CLDN19: variants seen among roughly 807,000 people sequenced by gnomAD.
The protein encoded by CLDN19 is claudin 19.
A neutral mutation model predicts 24.5 loss-of-function variants in CLDN19; 19 were observed. The ratio of observed to expected loss-of-function variants is 0.78; its 90% CI spans 0.54 to 1.14. CLDN19 has a LOEUF of 1.14. Among genes scored for constraint, CLDN19 ranks in the 50% most tolerant of loss-of-function variants. CLDN19 has a pLI of 0.00. For missense variants in CLDN19, 250 were observed against 295.9 expected (o/e 0.84, Z 1.14); for synonymous variants, 117 against 129.6 (o/e 0.90, Z 0.66).
In CLDN19 at chr1:42,735,146, A is replaced by AAGAGAGAG. The variant is rs1651316147; in HGVS notation, c.627-20_627-13dup. The AAGAGAGAG allele has an allele frequency of 6.2e-7, 1 of 1,613,982 alleles. No individual in the cohort carries two copies. Among genetic ancestry groups the AAGAGAGAG allele is most frequent in the East Asian group, 2.2e-5 (1 of 44,874 alleles). ...ATTTAACAACTGGTCTGAAAGTCAA[A>AAGAGAGAG]AGAGAGAGAGCTGGTTAGTGGAGTG... On this transcript the variant is annotated splice_polypyrimidine_tract_variant and intron_variant, in intron 4 of 4. Transcript: ENST00000296387.
chr1:42,737,693 A>AT (rs1651413538), intron 3 of CLDN19, among the ~76,000 whole-genome samples: 1 of 152,108 alleles, frequency 6.6e-6, no homozygotes, highest in Non-Finnish European at 1.5e-5. Flanking sequence ...TGATCGTTTG[A>AT]TTTTTTTGAG....
chr1:42,735,762 C>G lies in CLDN19; in HGVS notation c.626+116G>C, dbSNP rs760700236. 38 of 1,523,826 alleles carry G rather than the reference C, an allele frequency of 2.5e-5. No individual in the cohort carries two copies. The South Asian group carries it at 4.6e-4, about 19-fold the overall frequency. The allele number at this position is 1,523,826 out of a possible 1,614,324, so 94.4% of individuals were successfully genotyped here. A position where few individuals can be genotyped will look rare whatever the true frequency, so the allele number is the denominator to read the frequency against. On this transcript the variant is annotated intron_variant, in intron 4 of 4. Coordinates refer to ENST00000296387, the MANE Select transcript of CLDN19 (RefSeq NM_148960.3). Reference sequence around the variant, plus strand: ...GTTGAGGACAAGCTGCTCAGAGCACCTATGCCCATCCTATGCCCCAGTGGC... The same window carrying G: ...GTTGAGGACAAGCTGCTCAGAGCACGTATGCCCATCCTATGCCCCAGTGGC...
At position 42,738,602 on chromosome 1, in the gene CLDN19, G is replaced by A; in HGVS notation, c.224-17C>T. ...GGATGTGACCTAGGGTGGGCGGGAT[G>A]ACACTGAGTCGGGCTGGCGGGGATG... On this transcript the variant is annotated splice_polypyrimidine_tract_variant and intron_variant, in intron 1 of 4. Coordinates refer to ENST00000296387, the MANE Select transcript of CLDN19 (RefSeq NM_148960.3). 4.3e-6 allele frequency: 7 copies of A among 1,611,430 alleles called. No individual in the cohort carries two copies. Among genetic ancestry groups the A allele is most frequent in the East Asian group, 2.2e-5 (1 of 44,784 alleles).
At position 42,737,867 on chromosome 1, in the gene CLDN19, G is replaced by C. The variant is rs570108196; in HGVS notation, c.473+362C>G. Among the ~76,000 whole-genome samples, 24 of 152,000 alleles carry C rather than the reference G, an allele frequency of 1.6e-4. 1 individual carries two copies. The highest frequency in any genetic ancestry group is 5.6e-4 in the African/African-American group (23 of 41,284). The stretch of plus-strand genomic sequence containing the variant: ...CCAGATATTTTTTGTATTTTTAATA[G>C]AGACGGGGTTTCACCATGTTGGCCA... On this transcript the variant is annotated intron_variant, in intron 3 of 4. Transcript: ENST00000296387.
At position 42,739,883 on chromosome 1, in the gene CLDN19, GCC is replaced by G. The variant is rs1159781653; in HGVS notation, c.179_180del (p.Gly60AlafsTer100). ...LWMSCASQST[G>X]QVQCKLYDSL... is the part of the protein sequence containing the mutation. The stretch of plus-strand genomic sequence containing the variant: ...GAGTCGTAGAGCTTGCACTGCACTT[GCC>G]CAGTGCTCTGGGAGGCGCAGGACAT... On this transcript the variant is annotated frameshift_variant, in exon 1 of 5. Coordinates refer to ENST00000296387, the MANE Select transcript of CLDN19 (RefSeq NM_148960.3). LOFTEE classifies it high-confidence loss of function. 7 of 1,613,098 alleles carry G rather than the reference GCC, an allele frequency of 4.3e-6. No individual in the cohort carries two copies. The highest frequency in any genetic ancestry group is 5.9e-6 in the Non-Finnish European group (7 of 1,179,872).
intron 4 of CLDN19, chr1:42,735,625 G>A (rs1570442214): frequency 7.0e-7 from 1 of 1,431,022 alleles, no homozygotes; most frequent in Non-Finnish European, 9.1e-7. Context: ...CCACCAGGCT[G>A]TGCAGACAAG....
At chr1:42,739,720 A>C in intron 1 of CLDN19, 121 bp downstream of exon 1, 9 of 819,284 alleles carry the variant, frequency 1.1e-5, no homozygotes, top group Non-Finnish European at 1.8e-5. Flanking sequence ...TAGTGGGGGA[A>C]TTGTAGAGCG....
rs9660973 is a variant in CLDN19 at position 42,735,943 on chromosome 1, C to T, written c.561G>A (p.Pro187=). 0.043 allele frequency: 68,398 copies of T among 1,577,392 alleles called. 1,756 individuals carry two copies. Among genetic ancestry groups the T allele is most frequent in the African/African-American group, 0.098 (7,320 of 74,410 alleles). ...GGCTGCTGTTGGGTCTCTCTGGCTC[C>T]GGGCATGTGCAGCAGAGGAAGGAGC... ...LGGSFLCCTC[P]EPERPNSSPQ... The change falls in exon 4 of 5, where the codon CCG becomes CCA. Residue 187 remains proline (P), a synonymous_variant. Coordinates refer to ENST00000296387, the MANE Select transcript of CLDN19 (RefSeq NM_148960.3).
rs201994736 is a variant in CLDN19, at chr1:42,738,494, C to T, written c.315G>A (p.Thr105=). 2.5e-5 allele frequency: 40 copies of T among 1,614,066 alleles called. No individual in the cohort carries two copies. In the East Asian group the frequency reaches 6.0e-4, roughly 24 times the overall value. Reference sequence around the variant, plus strand: ...CAATGGGGTTGCTGTCTCCCACCCGCGTACACTTCATGCCAACTACGCTGA... The same window carrying T: ...CAATGGGGTTGCTGTCTCCCACCCGTGTACACTTCATGCCAACTACGCTGA... ...MVLSVVGMKC[T]RVGDSNPIAK... is the part of the protein sequence containing the mutation. Residue 105 remains threonine (T), a synonymous_variant, in exon 2 of 5, where the codon ACG becomes ACA. Coordinates refer to ENST00000296387, the MANE Select transcript of CLDN19 (RefSeq NM_148960.3).
chr1:42,734,995 T>G lies in CLDN19; in HGVS notation c.*91A>C. ...GAGGACAGACCGAATGATACCATGATTGGGGCTGGATGTTCACTTCTCTTT... is the reference window on the plus strand; with the variant it reads ...GAGGACAGACCGAATGATACCATGAGTGGGGCTGGATGTTCACTTCTCTTT... On this transcript the variant is annotated 3_prime_UTR_variant, in exon 5 of 5. Coordinates refer to ENST00000296387, the MANE Select transcript of CLDN19 (RefSeq NM_148960.3). 2.9e-6 allele frequency: 3 copies of G among 1,042,674 alleles called. No homozygotes were observed. Among genetic ancestry groups the G allele is most frequent in the Non-Finnish European group, 4.4e-6 (3 of 676,990 alleles). The allele number at this position is 1,042,674 out of a possible 1,614,324, so 64.6% of individuals were successfully genotyped here.
intron 1 of CLDN19, among the ~76,000 whole-genome samples, chr1:42,739,619 C>A (rs1409185591): frequency 6.6e-6 from 1 of 152,198 alleles, no homozygotes. Context: ...AGTGACAGAG[C>A]AGGAATCTGG....
intron 4 of CLDN19, 128 bp from the exon 5 acceptor site, chr1:42,735,262 G>A (rs1651322377): frequency 2.6e-6 from 4 of 1,547,356 alleles, no homozygotes; most frequent in African/African-American, 1.4e-5. Flanking sequence ...CAGCAGCCCT[G>A]CCTGGGGCCC....
At chr1:42,736,700 G>A (rs947665610) in intron 3 of CLDN19, among the ~76,000 whole-genome samples, 8 of 152,074 alleles carry the variant, frequency 5.3e-5, no homozygotes, top group East Asian at 3.9e-4. Flanking sequence ...CCCTTGCGCC[G>A]ACTCCACTAC....
intron 1 of CLDN19, 137 bp downstream of exon 1, chr1:42,739,704 G>T (rs1392224094): frequency 2.6e-6 from 2 of 775,480 alleles, no homozygotes; most frequent in Non-Finnish European, 4.2e-6. Context: ...AATGGGCACA[G>T]GGCAGTAGTG....
At chr1:42,735,252 C>A in intron 4 of CLDN19, 118 bp from the exon 5 acceptor site, 1 of 1,557,920 alleles carries the variant, frequency 6.4e-7, no homozygotes, top group Admixed American at 1.9e-5. Flanking sequence ...TTGGCCCTCA[C>A]AGCAGCCCTG....
At chr1:42,739,129 G>A (rs1258524537) in intron 1 of CLDN19, among the ~76,000 whole-genome samples, 2 of 152,190 alleles carry the variant, frequency 1.3e-5, no homozygotes, top group African/African-American at 2.4e-5. Flanking sequence ...GTCCCTCAGC[G>A]AGGCTAGATG....
intron 4 of CLDN19, chr1:42,735,635 G>C (rs1651339377): frequency 7.0e-7 from 1 of 1,432,438 alleles, no homozygotes; most frequent in Non-Finnish European, 9.1e-7. Context: ...GTGCAGACAA[G>C]ACCGTGCCTG....
In CLDN19 at chr1:42,733,119, G is replaced by A. The variant is rs1446719057; in HGVS notation, c.*1967C>T. On this transcript the variant is annotated 3_prime_UTR_variant, in exon 5 of 5. Coordinates refer to ENST00000296387, the MANE Select transcript of CLDN19 (RefSeq NM_148960.3). ...TGATGGAGTCTTGCTCTGTCATCCA[G>A]GATGGTGTGCAGTGGCACGATCTTG... The A allele has an allele frequency of 7.2e-6, 1 of 137,978 alleles. No individual in the cohort carries two copies. The highest frequency in any genetic ancestry group is 1.5e-5 in the Non-Finnish European group (1 of 65,694). 8.5% of individuals were successfully genotyped at this position (137,978 alleles called of 1,614,324 possible). A position where few individuals can be genotyped will look rare whatever the true frequency, so the allele number is the denominator to read the frequency against.
At position 42,740,156 on chromosome 1, in the gene CLDN19, G is replaced by A; in HGVS notation, c.-93C>T. On this transcript the variant is annotated 5_prime_UTR_variant, in exon 1 of 5. Transcript: ENST00000296387. ...TCATGGCCAGGTGGGAGGAGCAGCT[G>A]GGCAGGGGGAGCAGCGAGAAGGAGG... 1.1e-6 allele frequency: 1 copy of A among 934,728 alleles called. No homozygotes were observed. The highest frequency in any genetic ancestry group is 1.4e-5 in the South Asian group (1 of 71,432). 57.9% of individuals were successfully genotyped at this position (934,728 alleles called of 1,614,324 possible). A position where few individuals can be genotyped will look rare whatever the true frequency, so the allele number is the denominator to read the frequency against.
Sources: allele counts gnomAD v4.1 joint callset (sites outside exome capture counted in the v4.1 genomes callset), GRCh38; gene constraint gnomAD v4.1.1; transcripts MANE v1.5; gene names NCBI Gene and HGNC (gene_info 2026-07-23, HGNC 2026-07-21).